ZNF430: variants seen among roughly 807,000 people sequenced by gnomAD.
The protein encoded by ZNF430 is zinc finger protein 430.
Under a neutral mutation model 56.7 loss-of-function variants are expected in ZNF430, and 35 were observed. The observed-to-expected ratio is 0.62, with a 90% confidence interval of 0.47 to 0.82. The LOEUF is 0.82. ZNF430 is among the 40% of genes least tolerant of loss of function. The probability of loss-of-function intolerance (pLI) is 0.00; values close to 1 mark genes in which losing one functional copy is unlikely to be tolerated. For missense variants in ZNF430, 574 were observed against 661.0 expected, an observed-to-expected ratio of 0.87 and a Z score of 1.44; for synonymous variants, 212 against 224.3, an observed-to-expected ratio of 0.94 and a Z score of 0.49.
chr19:21,035,057 T>A (rs927622323), intron 4 of ZNF430: 9 of 152,198 alleles, frequency 5.9e-5, no homozygotes, highest in Admixed American at 2.0e-4. Context: ...AGTTTATTGT[T>A]GTTTCTTGTA....
At chr19:21,051,073 G>A (rs1417444180) in intron 4 of ZNF430, among the ~76,000 whole-genome samples, 1 of 152,138 alleles carries the variant, frequency 6.6e-6, no homozygotes, top group Non-Finnish European at 1.5e-5. Context: ...ATATGACAAT[G>A]TTATGCAACA....
chr19:21,043,214 T>G (rs1478674786), intron 4 of ZNF430, among the ~76,000 whole-genome samples: 1 of 152,210 alleles, frequency 6.6e-6, no homozygotes, highest in Non-Finnish European at 1.5e-5. Flanking sequence ...TCCTGAATGG[T>G]ATTGCCTAGA....
At chr19:21,049,747 T>TGTTACATTTCGTGTAACATTTCTTGTTAC (rs1568591407) in intron 4 of ZNF430, among the ~76,000 whole-genome samples, 2 of 152,230 alleles carry the variant, frequency 1.3e-5, no homozygotes, top group Admixed American at 6.5e-5. Context: ...TAACATTTCT[T>TGTTACATTTCGTGTAACATTTCTTGTTAC]ATAGTGAACA....
chr19:21,053,840 C>G (rs1352444083), intron 4 of ZNF430, among the ~76,000 whole-genome samples: 3 of 151,892 alleles, frequency 2.0e-5, no homozygotes, highest in African/African-American at 4.8e-5. Flanking sequence ...GTATCTTTGT[C>G]TCTCATTTTC....
rs1233723596 is a variant in ZNF430 at position 21,022,715 on chromosome 19, C to A, written c.4-74C>A. 4 of 1,114,836 alleles carry A rather than the reference C, an allele frequency of 3.6e-6. No individual in the cohort carries two copies. In the African/African-American group the frequency reaches 4.6e-5, roughly 13 times the overall value. The allele number at this position is 1,114,836 out of a possible 1,614,324, so 69.1% of individuals were successfully genotyped here. On this transcript the variant is annotated intron_variant, in intron 1 of 4. Coordinates refer to ENST00000261560, the MANE Select transcript of ZNF430 (RefSeq NM_025189.4). ...GGTTTCAGTATTGTCTGGGGATAAA[C>A]CAAGATATCCGCCATGGTTATGTCA...
At chr19:21,034,980 T>A (rs1967972170) in intron 4 of ZNF430, 1 of 152,238 alleles carries the variant, frequency 6.6e-6, no homozygotes. Context: ...GAAATATAGT[T>A]TGAAATTATA....
chr19:21,021,421 C>T (rs1368453488), intron 1 of ZNF430, among the ~76,000 whole-genome samples: 1 of 151,918 alleles, frequency 6.6e-6, no homozygotes, highest in Non-Finnish European at 1.5e-5. Flanking sequence ...ATCACTTGAA[C>T]CTGGGAGGTG....
chr19:21,023,634 G>C (rs1395706583), intron 2 of ZNF430, among the ~76,000 whole-genome samples: 1 of 152,094 alleles, frequency 6.6e-6, no homozygotes, highest in African/African-American at 2.4e-5. Context: ...GAAAATCTCT[G>C]TTCCATTTTT....
intron 2 of ZNF430, among the ~76,000 whole-genome samples, chr19:21,023,918 G>T (rs1255397927): frequency 1.3e-5 from 2 of 152,118 alleles, no homozygotes; most frequent in African/African-American, 4.8e-5. Flanking sequence ...GAAAGAAATA[G>T]ATATTTTGCT....
At chr19:21,041,199 C>T (rs571480103) in intron 4 of ZNF430, among the ~76,000 whole-genome samples, 1 of 152,300 alleles carries the variant, frequency 6.6e-6, no homozygotes, top group South Asian at 2.1e-4. Flanking sequence ...ATGATTACAG[C>T]TCGCTGCAGC....
chr19:21,046,710 G>A (rs1968190729), intron 4 of ZNF430, among the ~76,000 whole-genome samples: 1 of 152,120 alleles, frequency 6.6e-6, no homozygotes, highest in South Asian at 2.1e-4. Flanking sequence ...TCTGTTGTCA[G>A]TCTGATGAAC....
At chr19:21,053,279 T>C (rs1036532496) in intron 4 of ZNF430, among the ~76,000 whole-genome samples, 6 of 152,156 alleles carry the variant, frequency 3.9e-5, no homozygotes. Flanking sequence ...GATGACTCAG[T>C]ACACTCTGCT....
At chr19:21,039,192 G>T (rs551490501) in intron 4 of ZNF430, among the ~76,000 whole-genome samples, 1 of 151,914 alleles carries the variant, frequency 6.6e-6, no homozygotes, top group South Asian at 2.1e-4. Context: ...CAAGTGATTC[G>T]CCCACACCAG....
Position 21,048,065 on chromosome 19 carries a change from TTTGA to T in ZNF430, c.323-8563_323-8560del, listed in dbSNP as rs1296901232. On this transcript the variant is annotated intron_variant, in intron 4 of 4. Coordinates refer to ENST00000261560, the MANE Select transcript of ZNF430 (RefSeq NM_025189.4). ...TTTTGTTAACTTTATCGTTACATGC[TTTGA>T]TTATTTTTTCATTTTTTGCATACTT... Among the ~76,000 whole-genome samples, 7 of 152,218 alleles carry T rather than the reference TTTGA, an allele frequency of 4.6e-5. No homozygotes were observed. In the East Asian group the frequency reaches 7.7e-4, roughly 17 times the overall value.
Position 21,020,758 on chromosome 19 carries a change from G to T in ZNF430, c.-43G>T. On this transcript the variant is annotated 5_prime_UTR_variant, in exon 1 of 5. Coordinates refer to ENST00000261560, the MANE Select transcript of ZNF430 (RefSeq NM_025189.4). ...TGGCCCTGTGACCCGCAGGTATTGG[G>T]AGATCTACAGCTAAGACGCCAGGAA... is the stretch of plus-strand genomic sequence containing the variant. 6.2e-7 allele frequency: 1 copy of T among 1,613,098 alleles called. No individual in the cohort carries two copies. The highest frequency in any genetic ancestry group is 8.5e-7 in the Non-Finnish European group (1 of 1,179,364).
Position 21,057,870 on chromosome 19 carries a change from C to G in ZNF430, c.1562C>G (p.Ala521Gly), listed in dbSNP as rs750754473. ...TSYKYLECDK[A>G]FSQSSTLTKH... ...TACAAATACCTAGAATGTGATAAAG[C>G]CTTTAGCCAGTCTTCAACTCTTACT... The change falls in exon 5 of 5, where the codon GCC (alanine) becomes GGC (glycine). Residue 521 changes from alanine to glycine, a missense_variant. Ala to Gly is a moderately conservative substitution (Grantham distance 60, BLOSUM62 0). Coordinates refer to ENST00000261560, the MANE Select transcript of ZNF430 (RefSeq NM_025189.4). 6.8e-6 allele frequency: 11 copies of G among 1,613,722 alleles called. No individual in the cohort carries two copies. In the East Asian group the frequency reaches 1.3e-4, roughly 20 times the overall value.
chr19:21,020,701 T>C lies in ZNF430; in HGVS notation c.-100T>C. Reference sequence around the variant, plus strand: ...GCTCCAGGTCTCGTCTTCAGCGCTCTGTGTCCTCTGCTCCTAGAGGTCCAG... The same window carrying C: ...GCTCCAGGTCTCGTCTTCAGCGCTCCGTGTCCTCTGCTCCTAGAGGTCCAG... On this transcript the variant is annotated 5_prime_UTR_variant, in exon 1 of 5. Transcript: ENST00000261560. 6.5e-7 allele frequency: 1 copy of C among 1,543,550 alleles called. No individual in the cohort carries two copies. The highest frequency in any genetic ancestry group is 8.9e-7 in the Non-Finnish European group (1 of 1,119,052).
At chr19:21,033,758 T>G in intron 3 of ZNF430, 176 bp downstream of exon 3, 1 of 762,970 alleles carries the variant, frequency 1.3e-6, no homozygotes, top group Non-Finnish European at 1.9e-6. Flanking sequence ...AGTTTTATCT[T>G]GACTTAAACT....
intron 2 of ZNF430, among the ~76,000 whole-genome samples, chr19:21,024,050 A>G (rs894688490): frequency 5.3e-5 from 8 of 152,130 alleles, no homozygotes; most frequent in African/African-American, 1.9e-4. Context: ...TAACTCTAAC[A>G]TAGAAATTAA....
Sources: allele counts gnomAD v4.1 joint callset (sites outside exome capture counted in the v4.1 genomes callset), GRCh38; gene constraint gnomAD v4.1.1; transcripts MANE v1.5; gene names NCBI Gene and HGNC (gene_info 2026-07-23, HGNC 2026-07-21).